The following TNC variants were observed in gnomAD, a reference collection of about 807,000 sequenced individuals.
TNC encodes tenascin C, also known as tenascin.
TNC carries 109 observed loss-of-function variants against 202.4 expected under a neutral mutation model. That is an observed-to-expected ratio of 0.54 (90% CI 0.46 to 0.63). TNC has a LOEUF of 0.63. TNC is among the 30% of genes least tolerant of loss of function. The pLI, the probability that TNC is intolerant of heterozygous loss-of-function variation, is 0.00. For missense variants in TNC, 2,756 were observed against 2,833.3 expected (o/e 0.97, Z 0.62); for synonymous variants, 1,007 against 1,089.7 (o/e 0.92, Z 1.50).
chr9:115,067,437 G>C (rs1312376544), intron 10 of TNC, among the ~76,000 whole-genome samples: 11 of 151,750 alleles, frequency 7.2e-5, no homozygotes, highest in Admixed American at 7.2e-4. Flanking sequence ...TTTTTCTACG[G>C]GTGTCTATCT....
intron 17 of TNC, among the ~76,000 whole-genome samples, chr9:115,046,162 C>A (rs925755264): frequency 2.0e-5 from 3 of 152,218 alleles, no homozygotes; most frequent in African/African-American, 4.8e-5. Context: ...ACCTGCCAGG[C>A]CTTCCGCTAT....
intron 17 of TNC, among the ~76,000 whole-genome samples, chr9:115,044,533 GTTC>G (rs929106408): frequency 2.0e-5 from 3 of 149,172 alleles, no homozygotes; most frequent in African/African-American, 7.4e-5. Context: ...TTTTTTTGTT[GTTC>G]TTAAAAAAAA....
At chr9:115,061,729 A>G (rs1430324904) in intron 13 of TNC, among the ~76,000 whole-genome samples, 1 of 152,254 alleles carries the variant, frequency 6.6e-6, no homozygotes, top group Admixed American at 6.5e-5. Flanking sequence ...GGCTCAGCAC[A>G]GAAACCCTAT....
rs1829003879 is a variant in TNC at position 115,020,724 on chromosome 9, T to TA, written c.*432dup. 3.5e-6 allele frequency: 1 copy of TA among 287,540 alleles called. No individual in the cohort carries two copies. Among genetic ancestry groups the TA allele is most frequent in the East Asian group, 8.6e-5 (1 of 11,588 alleles). 17.8% of individuals were successfully genotyped at this position (287,540 alleles called of 1,614,324 possible). ...TTTCTGGTTTCTGTTGTATGAAATG[T>TA]AAAAAAAGGGATGGCTTCCAATGAC... On this transcript the variant is annotated 3_prime_UTR_variant, in exon 28 of 28. Transcript: ENST00000350763.
chr9:115,019,923 A>G lies in TNC; in HGVS notation c.*1234T>C, dbSNP rs1170394337. 6.6e-6 allele frequency: 1 copy of G among 152,236 alleles called. No homozygotes were observed. Among genetic ancestry groups the G allele is most frequent in the Non-Finnish European group, 1.5e-5 (1 of 68,044 alleles). 9.4% of individuals were successfully genotyped at this position (152,236 alleles called of 1,614,324 possible). On this transcript the variant is annotated 3_prime_UTR_variant, in exon 28 of 28. Coordinates refer to ENST00000350763, the MANE Select transcript of TNC (RefSeq NM_002160.4). ...TAACAATACTTACCTCAACTATATC[A>G]TAGAGTTTCTAGGAGTTGCATTAGA...
intron 17 of TNC, 100 bp downstream of exon 17, chr9:115,046,310 A>G: frequency 7.2e-7 from 1 of 1,384,678 alleles, no homozygotes; most frequent in South Asian, 1.3e-5. Flanking sequence ...TCAGAGCGCC[A>G]GCCTGCCTGC....
chr9:115,034,594 A>G (rs1830178257), intron 22 of TNC, among the ~76,000 whole-genome samples: 1 of 152,242 alleles, frequency 6.6e-6, no homozygotes, highest in African/African-American at 2.4e-5. Context: ...CCAGAAAAAG[A>G]TCAATGTGTG....
chr9:115,097,967 G>A (rs763249470), intron 1 of TNC, among the ~76,000 whole-genome samples: 2 of 152,182 alleles, frequency 1.3e-5, no homozygotes, highest in Non-Finnish European at 2.9e-5. Flanking sequence ...CTCACAGTTA[G>A]TCATCTGTTG....
At chr9:115,024,375 A>G (rs1453903380) in intron 26 of TNC, among the ~76,000 whole-genome samples, 2 of 152,186 alleles carry the variant, frequency 1.3e-5, no homozygotes, top group Admixed American at 1.3e-4. Flanking sequence ...GGCTTTGGAG[A>G]GTCTAGCTTC....
In TNC at chr9:115,073,796, T is replaced by G; in HGVS notation, c.3021A>C (p.Thr1007=). 6.2e-7 allele frequency: 1 copy of G among 1,613,982 alleles called. No homozygotes were observed. The highest frequency in any genetic ancestry group is 1.7e-5 in the Admixed American group (1 of 60,014). Residue 1007 remains threonine (T), a synonymous_variant, in exon 10 of 28, where the codon ACA becomes ACC. Transcript: ENST00000350763. ...GGTAGCGGTCAAATTTGGCCAACGGTGTCTTCCAGAGCAGGGTCAGGCTGG... is the reference window on the plus strand; with the variant it reads ...GGTAGCGGTCAAATTTGGCCAACGGGGTCTTCCAGAGCAGGGTCAGGCTGG... ...AETSLTLLWK[T]PLAKFDRYRL...
At chr9:115,051,902 C>T (rs1310539689) in intron 15 of TNC, among the ~76,000 whole-genome samples, 1 of 151,896 alleles carries the variant, frequency 6.6e-6, no homozygotes, top group Non-Finnish European at 1.5e-5. Context: ...AAAGTCCTCT[C>T]CTTTATAATA....
intron 1 of TNC, among the ~76,000 whole-genome samples, chr9:115,100,322 G>A (rs1249962640): frequency 6.6e-6 from 1 of 152,166 alleles, no homozygotes; most frequent in African/African-American, 2.4e-5. Flanking sequence ...TCATTCTAGT[G>A]CATGGGGCAG....
At chr9:115,043,861 T>C (rs1588043809) in intron 17 of TNC, among the ~76,000 whole-genome samples, 1 of 152,260 alleles carries the variant, frequency 6.6e-6, no homozygotes, top group African/African-American at 2.4e-5. Context: ...TGTAGGTACA[T>C]TTTAGTAGGT....
Position 115,078,205 on chromosome 9 carries a change from A to C in TNC, c.2412T>G (p.Asp804Glu), listed in dbSNP as rs200291911. ...CTTTCACCTCGATCTGGCTGGGGGCATCCAAGCCTATGATGGGCAGAGGAC... is the reference window on the plus strand; with the variant it reads ...CTTTCACCTCGATCTGGCTGGGGGCCTCCAAGCCTATGATGGGCAGAGGAC... Reference protein sequence around the residue: ...GLKRVTTTRLDAPSQIEVKDV... With the variant: ...GLKRVTTTRLEAPSQIEVKDV... The change falls in exon 7 of 28, where the codon GAT becomes GAG. Residue 804 changes from aspartate to glutamate, a missense_variant. Asp to Glu is a conservative substitution (Grantham distance 45, BLOSUM62 2). Around this residue, in one of 2 missense-constraint regions of TNC, gnomAD observed 2,559 missense variants for 2,546.0 expected, o/e 1.01. Coordinates refer to ENST00000350763, the MANE Select transcript of TNC (RefSeq NM_002160.4). 4.3e-5 allele frequency: 69 copies of C among 1,604,292 alleles called. No homozygotes were observed. Among genetic ancestry groups the C allele is most frequent in the Non-Finnish European group, 5.6e-5 (66 of 1,172,406 alleles).
chr9:115,025,046 C>G (rs1482086712), intron 26 of TNC, among the ~76,000 whole-genome samples: 1 of 152,178 alleles, frequency 6.6e-6, no homozygotes, highest in Non-Finnish European at 1.5e-5. Context: ...AGGATGCTCT[C>G]CTGCAGAAGG....
At position 115,086,026 on chromosome 9, in the gene TNC, C is replaced by T. The variant is rs764977250; in HGVS notation, c.1705G>A (p.Gly569Ser). Reference protein sequence around the residue: ...KEQRCPSDCHGQGRCVDGQCI... With the variant: ...KEQRCPSDCHSQGRCVDGQCI... Reference sequence around the variant, plus strand: ...TGGCCGTCCACGCAGCGGCCCTGGCCATGACAGTCACTGGGACATCTTTGC... The same window carrying T: ...TGGCCGTCCACGCAGCGGCCCTGGCTATGACAGTCACTGGGACATCTTTGC... The change falls in exon 3 of 28, where the codon GGC becomes AGC. Residue 569 changes from glycine (G) to serine (S), a missense_variant. By Grantham distance (56) the Gly-to-Ser change is moderately conservative (BLOSUM62 0). Transcript: ENST00000350763. 2 of 1,614,058 alleles carry T rather than the reference C, an allele frequency of 1.2e-6. No homozygotes were observed. The highest frequency in any genetic ancestry group is 1.1e-5 in the South Asian group (1 of 91,050).
chr9:115,020,233 T>C lies in TNC; in HGVS notation c.*924A>G, dbSNP rs1362481762. The C allele has an allele frequency of 7.3e-6, 1 of 136,402 alleles. No homozygotes were observed. The highest frequency in any genetic ancestry group is 2.7e-5 in the African/African-American group (1 of 37,432). The allele number at this position is 136,402 out of a possible 1,614,324, so 8.4% of individuals were successfully genotyped here. A position where few individuals can be genotyped will look rare whatever the true frequency, so the allele number is the denominator to read the frequency against. ...TTAAATTTTTTTTTTTTTTTTTTTCTGTAGAGACAAGTTCTCACTATGTTG... is the reference window on the plus strand; with the variant it reads ...TTAAATTTTTTTTTTTTTTTTTTTCCGTAGAGACAAGTTCTCACTATGTTG... On this transcript the variant is annotated 3_prime_UTR_variant, in exon 28 of 28. Transcript: ENST00000350763.
chr9:115,082,228 G>T (rs1834358303), intron 5 of TNC, among the ~76,000 whole-genome samples: 1 of 152,210 alleles, frequency 6.6e-6, no homozygotes, highest in Non-Finnish European at 1.5e-5. Context: ...GTAGACTGAG[G>T]CCAGCATCAG....
At chr9:115,076,262 T>C in intron 8 of TNC, 128 bp downstream of exon 8, 4 of 1,394,420 alleles carry the variant, frequency 2.9e-6, no homozygotes, top group Non-Finnish European at 4.0e-6. Context: ...TGCAATCCAA[T>C]AAGCAGTATT....
Sources: allele counts gnomAD v4.1 joint callset (sites outside exome capture counted in the v4.1 genomes callset), GRCh38; gene constraint gnomAD v4.1.1; regional missense constraint gnomAD v4.1.1; transcripts MANE v1.5; gene names NCBI Gene and HGNC (gene_info 2026-07-23, HGNC 2026-07-21).